The following PIGG variants were observed in gnomAD, a reference collection of about 807,000 sequenced individuals.
The protein encoded by PIGG is phosphatidylinositol glycan anchor biosynthesis class G (EMM blood group).
A neutral mutation model predicts 83.2 loss-of-function variants in PIGG; 70 were observed. That is an observed-to-expected ratio of 0.84 (90% CI 0.69 to 1.03). The LOEUF (loss-of-function observed/expected upper bound fraction) is 1.03. PIGG is among the 50% of genes least tolerant of loss of function. The probability of loss-of-function intolerance (pLI) is 0.00; values close to 1 mark genes in which losing one functional copy is unlikely to be tolerated. For synonymous variants in PIGG, 532 were observed against 519.5 expected (o/e 1.02, Z -0.33); for missense variants, 1,257 against 1,233.6 (o/e 1.02, Z -0.28).
chr4:511,668 A>C (rs1722008261), intron 5 of PIGG, among the ~76,000 whole-genome samples: 1 of 152,262 alleles, frequency 6.6e-6, no homozygotes, highest in South Asian at 2.1e-4. Flanking sequence ...AGTGTCTTTC[A>C]TAATTATATG....
At chr4:501,869 A>G (rs1553876073) in intron 2 of PIGG, 1 of 152,304 alleles carries the variant, frequency 6.6e-6, no homozygotes. Flanking sequence ...GTAAAATATG[A>G]ATCAATGAAG....
intron 12 of PIGG, 49 bp from the exon 13 acceptor site, chr4:539,104 T>A: frequency 8.6e-7 from 1 of 1,160,060 alleles, no homozygotes; most frequent in Non-Finnish European, 1.3e-6. Flanking sequence ...GTTACATGTG[T>A]GATATGTAAG....
At chr4:538,425 C>G (rs989128190) in intron 12 of PIGG, among the ~76,000 whole-genome samples, 1 of 152,346 alleles carries the variant, frequency 6.6e-6, no homozygotes, top group African/African-American at 2.4e-5. Context: ...CTCCACACCA[C>G]AGCAGGGAGA....
chr4:516,146 A>T lies in PIGG; in HGVS notation c.1075A>T (p.Ser359Cys), dbSNP rs920097251. 2 of 1,613,920 alleles carry T rather than the reference A, an allele frequency of 1.2e-6. No homozygotes were observed. Among genetic ancestry groups the T allele is most frequent in the Non-Finnish European group, 8.5e-7 (1 of 1,179,860 alleles). The change falls in exon 6 of 13, where the codon AGT (serine) becomes TGT (cysteine). Residue 359 changes from serine (S) to cysteine (C), a missense_variant. Physicochemically the swap from Ser to Cys is moderately radical, Grantham distance 112 (BLOSUM62 -1). Coordinates refer to ENST00000453061, the MANE Select transcript of PIGG (RefSeq NM_001127178.3). The part of the protein sequence containing the change: ...RFLHLNTVQL[S>C]KLLQENVPSY... ...TTTACATTTGAATACAGTGCAGCTT[A>T]GTAAACTGTTGCAAGAGAATGTGCC... is the stretch of plus-strand genomic sequence containing the variant.
chr4:536,406 C>A (rs1017369784), intron 12 of PIGG: 1 of 152,192 alleles, frequency 6.6e-6, no homozygotes, highest in African/African-American at 2.4e-5. Flanking sequence ...GTGGACAGAC[C>A]CCCGTAATTT....
At chr4:519,282 C>T (rs1403841098) in intron 6 of PIGG, among the ~76,000 whole-genome samples, 1 of 152,228 alleles carries the variant, frequency 6.6e-6, no homozygotes, top group African/African-American at 2.4e-5. Context: ...CCTGCTTGCT[C>T]GCCATGCTGT....
rs542333871 is a variant in PIGG, at chr4:502,602, C to T, written c.360+2001C>T. Among the ~76,000 whole-genome samples the T allele has an allele frequency of 1.1e-4, 16 of 152,212 alleles. No individual in the cohort carries two copies. The East Asian group carries it at 3.1e-3, about 29-fold the overall frequency. ...TGCCTTTTCTTTCTTAAAGAACTTT[C>T]TGGTCATAATAATAGCTGGCATTGA... is the stretch of plus-strand genomic sequence containing the variant. On this transcript the variant is annotated intron_variant, in intron 2 of 12. Coordinates refer to ENST00000453061, the MANE Select transcript of PIGG (RefSeq NM_001127178.3).
At chr4:517,501 G>A (rs1242364366) in intron 6 of PIGG, among the ~76,000 whole-genome samples, 1 of 152,146 alleles carries the variant, frequency 6.6e-6, no homozygotes, top group Non-Finnish European at 1.5e-5. Flanking sequence ...CTTGTGGGTG[G>A]GGGTGTTGGT....
chr4:525,314 C>T, intron 9 of PIGG: 1 of 985,234 alleles, frequency 1.0e-6, no homozygotes, highest in Non-Finnish European at 1.2e-6. Flanking sequence ...CTAAGATTTG[C>T]CGAGACTTAA....
chr4:506,857 T>G (rs953835744), intron 3 of PIGG: 2 of 454,378 alleles, frequency 4.4e-6, no homozygotes, highest in Non-Finnish European at 4.4e-6. Context: ...GCTGGTTACT[T>G]TAACGCTGGG....
intron 11 of PIGG, chr4:531,148 C>T (rs997379763): frequency 5.5e-6 from 1 of 180,804 alleles, no homozygotes. Flanking sequence ...CTCCCTGAAG[C>T]CTGGTGGGTC....
chr4:527,333 A>G (rs1727936450), intron 10 of PIGG, 103 bp downstream of exon 10: 1 of 1,433,804 alleles, frequency 7.0e-7, no homozygotes, highest in Non-Finnish European at 9.1e-7. Flanking sequence ...TGAACTGAGA[A>G]GACCAAGCCA....
chr4:528,838 C>T lies in PIGG; in HGVS notation c.2262-1598C>T, dbSNP rs1042118585. 2 of 494,148 alleles carry T rather than the reference C, an allele frequency of 4.0e-6. No homozygotes were observed. The highest frequency in any genetic ancestry group is 5.3e-6 in the Non-Finnish European group (2 of 380,738). The allele number at this position is 494,148 out of a possible 1,614,324, so 30.6% of individuals were successfully genotyped here. A position where few individuals can be genotyped will look rare whatever the true frequency, so the allele number is the denominator to read the frequency against. On this transcript the variant is annotated intron_variant, in intron 10 of 12. Coordinates refer to ENST00000453061, the MANE Select transcript of PIGG (RefSeq NM_001127178.3). This position sits in a 1 kb window ranked among gnomAD's most constrained non-coding sequence, Gnocchi z 4.8. ...TCCAGAACTAGCCAGTGTGCCTTTT[C>T]TTTCCACACGCACTGCCTGGTTCAC... is the stretch of plus-strand genomic sequence containing the variant.
At position 515,152 on chromosome 4, in the gene PIGG, C is replaced by T. The variant is rs906742366; in HGVS notation, c.902-821C>T. Among the ~76,000 whole-genome samples the T allele has an allele frequency of 2.0e-5, 3 of 152,270 alleles. No individual in the cohort carries two copies. In the South Asian group the frequency reaches 6.2e-4, roughly 31 times the overall value. On this transcript the variant is annotated intron_variant, in intron 5 of 12. Transcript: ENST00000453061. The surrounding 1 kb of genome is among the most constrained non-coding windows in gnomAD (Gnocchi z 4.2). ...CCTGAGTATCTAAAGACACCTCACGCACCACCTATCCTGAGTAGCCGTCCC... is the reference window on the plus strand; with the variant it reads ...CCTGAGTATCTAAAGACACCTCACGTACCACCTATCCTGAGTAGCCGTCCC...
intron 6 of PIGG, among the ~76,000 whole-genome samples, chr4:516,427 G>T (rs545578922): frequency 6.6e-6 from 1 of 152,292 alleles, no homozygotes; most frequent in East Asian, 1.9e-4. Context: ...CTATTTACCA[G>T]GATCTTGTTA....
At chr4:506,995 A>C in intron 3 of PIGG, 2 of 293,528 alleles carry the variant, frequency 6.8e-6, no homozygotes, top group Admixed American at 4.1e-5. Flanking sequence ...CCCACAGAAA[A>C]ATATTTTTGT....
chr4:499,295 C>G lies in PIGG; in HGVS notation c.-41C>G, dbSNP rs1370884778. The G allele has an allele frequency of 4.4e-6, 7 of 1,594,090 alleles. No homozygotes were observed. Among genetic ancestry groups the G allele is most frequent in the Non-Finnish European group, 6.0e-6 (7 of 1,175,924 alleles). On this transcript the variant is annotated 5_prime_UTR_variant, in exon 1 of 13. Transcript: ENST00000453061. ...AGCGCGGCTGCAGCAGGGCGAGGCT[C>G]CAGGTGGGGTCGGTTCCGCATCCAG... is the stretch of plus-strand genomic sequence containing the variant.
chr4:516,287 A>AT (rs147241725), intron 6 of PIGG, 102 bp downstream of exon 6: 1 of 754,676 alleles, frequency 1.3e-6, no homozygotes, highest in African/African-American at 1.7e-5. Flanking sequence ...TCACAGGAGT[A>AT]TTTTTTCATC....
rs779754906 is a variant in PIGG, at chr4:523,840, C to T, written c.1996C>T (p.Arg666Trp). ...ASPWLILACC[R>W]LLRSLNQTGV... is the part of the protein sequence containing the mutation. Reference sequence around the variant, plus strand: ...TCCGTGGCTAATACTGGCCTGCTGCCGGCTGCTGCGCTCCCTAAACCAGAC... The same window carrying T: ...TCCGTGGCTAATACTGGCCTGCTGCTGGCTGCTGCGCTCCCTAAACCAGAC... Residue 666 changes from arginine to tryptophan, a missense_variant, in exon 9 of 13, where the codon CGG becomes TGG. Coordinates refer to ENST00000453061, the MANE Select transcript of PIGG (RefSeq NM_001127178.3). 28 of 1,602,706 alleles carry T rather than the reference C, an allele frequency of 1.7e-5. No individual in the cohort carries two copies. Among genetic ancestry groups the T allele is most frequent in the South Asian group, 2.2e-5 (2 of 89,806 alleles).
Sources: gnomAD v4.1 joint callset for allele counts (sites outside exome capture counted in the v4.1 genomes callset) on GRCh38, gnomAD v4.1.1 for gene constraint, Gnocchi (gnomAD v3.1) non-coding constraint, MANE v1.5 for transcripts, NCBI Gene and HGNC (gene_info 2026-07-23, HGNC 2026-07-21) for gene names.